The following ZMYM2 variants were observed in gnomAD, a reference collection of about 807,000 sequenced individuals.
ZMYM2 encodes the protein zinc finger MYM-type protein 2.
A neutral mutation model predicts 162.8 loss-of-function variants in ZMYM2; 56 were observed. That is an observed-to-expected ratio of 0.34 (90% confidence interval 0.28 to 0.43). The LOEUF is 0.43. Among genes scored for constraint, ZMYM2 ranks in the 20% least tolerant of loss-of-function variants. The probability of loss-of-function intolerance (pLI) is 1.00; values close to 1 mark genes in which losing one functional copy is unlikely to be tolerated. For missense variants in ZMYM2, 1,275 were observed against 1,621.8 expected, an observed-to-expected ratio of 0.79 and a Z score of 3.67; for synonymous variants, 510 against 541.6, an observed-to-expected ratio of 0.94 and a Z score of 0.81.
intron 2 of ZMYM2, among the ~76,000 whole-genome samples, chr13:19,982,557 C>T (rs555026187): frequency 7.2e-5 from 11 of 152,146 alleles, no homozygotes; most frequent in African/African-American, 2.2e-4. Context: ...CAAACATTAG[C>T]TGCCCTAAGT....
chr13:20,060,505 C>A (rs900529236), intron 16 of ZMYM2, among the ~76,000 whole-genome samples: 1 of 152,040 alleles, frequency 6.6e-6, no homozygotes, highest in Admixed American at 6.6e-5. Flanking sequence ...ATGGTGAAAC[C>A]CCCTCTCTAC....
intron 2 of ZMYM2, among the ~76,000 whole-genome samples, chr13:19,975,870 A>ATGTATGTG (rs1300458340): frequency 8.0e-6 from 1 of 125,586 alleles, no homozygotes; most frequent in Non-Finnish European, 1.6e-5. Context: ...AAATGTATGT[A>ATGTATGTG]TGTATGTATG....
chr13:20,078,707 C>T (rs558026393), intron 21 of ZMYM2, among the ~76,000 whole-genome samples: 2 of 152,188 alleles, frequency 1.3e-5, no homozygotes, highest in East Asian at 3.9e-4. Flanking sequence ...GAGAAGTGTT[C>T]TGAGTATAAA....
At chr13:20,007,594 G>C (rs969000285) in intron 6 of ZMYM2, among the ~76,000 whole-genome samples, 7 of 150,012 alleles carry the variant, frequency 4.7e-5, no homozygotes, top group African/African-American at 1.7e-4. Flanking sequence ...CTGTGGAGAA[G>C]GTTATATGAA....
intron 2 of ZMYM2, among the ~76,000 whole-genome samples, chr13:19,961,235 GT>G (rs950354093): frequency 6.6e-6 from 1 of 151,690 alleles, no homozygotes; most frequent in African/African-American, 2.4e-5. Flanking sequence ...GCCCACACTA[GT>G]TTTTAACATG....
intron 6 of ZMYM2, among the ~76,000 whole-genome samples, chr13:20,013,241 A>C (rs1160134690): frequency 6.6e-6 from 1 of 152,082 alleles, no homozygotes; most frequent in African/African-American, 2.4e-5. Context: ...TTGCTTTATT[A>C]ATTTCCTTTT....
rs1566350627 is a variant in ZMYM2, at chr13:20,032,595, C to CTTTTTTTTTT, written c.1968+1161_1968+1162insTTTTTTTTTT. On this transcript the variant is annotated intron_variant, in intron 10 of 24. Coordinates refer to ENST00000610343, the MANE Select transcript of ZMYM2 (RefSeq NM_197968.4). ...AGAACTGGATTACATGATTTTTTTT[C>CTTTTTTTTTT]TGTCTTTTTTTTTTTTTTTTTTTTT... Among the ~76,000 whole-genome samples, 4 of 96,380 alleles carry CTTTTTTTTTT rather than the reference C, an allele frequency of 4.2e-5. 1 individual carries two copies. The highest frequency in any genetic ancestry group is 6.5e-5 in the Non-Finnish European group (3 of 45,864). The allele number at this position is 96,380 out of a possible 152,430, so 63.2% of individuals were successfully genotyped here.
Position 20,065,113 on chromosome 13 carries a change from A to C in ZMYM2, c.3132+568A>C, listed in dbSNP as rs1475228. 8.7e-3 allele frequency among the ~76,000 whole-genome samples: 1,323 copies of C among 152,288 alleles called. 33 individuals are homozygous for C. The highest frequency in any genetic ancestry group is 0.03 in the African/African-American group (1,247 of 41,564). On this transcript the variant is annotated intron_variant, in intron 19 of 24. Transcript: ENST00000610343. ...CAAATCTACATGCATTAACAAGTGT[A>C]ATTGTTATAATATTCTGTCAACTTT...
chr13:19,986,962 G>C (rs528339605), intron 2 of ZMYM2, among the ~76,000 whole-genome samples: 144 of 151,482 alleles, frequency 9.5e-4, no homozygotes, highest in African/African-American at 3.0e-3. Flanking sequence ...AAAATTAGCC[G>C]GTCATGGTGG....
chr13:19,958,400 C>T (rs1352684352), upstream of ZMYM2, among the ~76,000 whole-genome samples: 2 of 151,816 alleles, frequency 1.3e-5, no homozygotes, highest in African/African-American at 2.4e-5. Flanking sequence ...CCCCGAGGAG[C>T]CGAAGCGGGT....
At chr13:20,014,850 C>T (rs996237338) in intron 6 of ZMYM2, among the ~76,000 whole-genome samples, 6 of 149,126 alleles carry the variant, frequency 4.0e-5, no homozygotes, top group Non-Finnish European at 1.5e-5. Context: ...ACTGCACCCT[C>T]ACCTCCCAGG....
chr13:20,037,674 A>G (rs1953855337), intron 12 of ZMYM2, among the ~76,000 whole-genome samples: 1 of 152,236 alleles, frequency 6.6e-6, no homozygotes, highest in Non-Finnish European at 1.5e-5. Context: ...AACACTAAGT[A>G]GAGACCAGAA....
intron 2 of ZMYM2, among the ~76,000 whole-genome samples, chr13:19,973,722 A>C (rs566434571): frequency 3.9e-5 from 6 of 151,920 alleles, no homozygotes; most frequent in African/African-American, 1.2e-4. Flanking sequence ...CAGAAAAAAA[A>C]CCCAACACAA....
At chr13:19,957,914 C>T (rs1438479427), upstream of ZMYM2, among the ~76,000 whole-genome samples, 1 of 152,218 alleles carries the variant, frequency 6.6e-6, no homozygotes, top group African/African-American at 2.4e-5. Flanking sequence ...GACGCAGACG[C>T]CAGCAGCCGG....
chr13:20,062,852 T>G lies in ZMYM2; in HGVS notation c.2918T>G (p.Ile973Ser), dbSNP rs1956332029. The G allele has an allele frequency of 1.3e-6, 2 of 1,569,796 alleles. No individual in the cohort carries two copies. Among genetic ancestry groups the G allele is most frequent in the African/African-American group, 1.4e-5 (1 of 74,052 alleles). The change falls in exon 18 of 25, where the codon ATT becomes AGT. Residue 973 changes from isoleucine to serine, a missense_variant. By Grantham distance (142) the Ile-to-Ser change is moderately radical. Coordinates refer to ENST00000610343, the MANE Select transcript of ZMYM2 (RefSeq NM_197968.4). ...KTETTNINSVIIETDIIGSDL... is the reference protein window; with the variant it reads ...KTETTNINSVSIETDIIGSDL... The stretch of plus-strand genomic sequence containing the variant: ...TAATATGGATTGATTTCAGGTGTAA[T>G]TATTGAAACAGATATAATTGGTTCA...
chr13:20,021,587 G>A (rs1440463100), intron 7 of ZMYM2, among the ~76,000 whole-genome samples: 1 of 151,936 alleles, frequency 6.6e-6, no homozygotes, highest in Non-Finnish European at 1.5e-5. Flanking sequence ...TTTAGCCTGG[G>A]GCTATTTATT....
At position 20,026,715 on chromosome 13, in the gene ZMYM2, C is replaced by T; in HGVS notation, c.1688C>T (p.Ser563Leu). 1 of 1,605,176 alleles carries T rather than the reference C, an allele frequency of 6.2e-7. No individual in the cohort carries two copies. Among genetic ancestry groups the T allele is most frequent in the Non-Finnish European group, 8.5e-7 (1 of 1,178,170 alleles). The change falls in exon 8 of 25, where the codon TCA (serine) becomes TTA (leucine). Residue 563 changes from serine to leucine, a missense_variant. Coordinates refer to ENST00000610343, the MANE Select transcript of ZMYM2 (RefSeq NM_197968.4). ...GPNGYMEPYC[S>L]TACMNSHKTK... ...AATGGATATATGGAGCCATATTGTT[C>T]AACTGCTTGTATGAACAGTCACAAG...
chr13:20,026,531 A>T, intron 7 of ZMYM2, 81 bp from the exon 8 acceptor site: 1 of 1,419,562 alleles, frequency 7.0e-7, no homozygotes, highest in Non-Finnish European at 9.4e-7. Flanking sequence ...TGCAGAGGCA[A>T]AAAGTGTAAT....
the ZMYM2 span, chr13:19,864,768 G>T: frequency 6.6e-6 from 1 of 152,306 alleles, no homozygotes; most frequent in African/African-American, 2.4e-5. Flanking sequence ...CGGCCCCTGC[G>T]GGGAGCAGAA....
Sources: gnomAD v4.1 joint callset for allele counts (sites outside exome capture counted in the v4.1 genomes callset) on GRCh38, gnomAD v4.1.1 for gene constraint, MANE v1.5 for transcripts, NCBI Gene and HGNC (gene_info 2026-07-23, HGNC 2026-07-21) for gene names.